The following PXDNL variants were observed in gnomAD, a reference collection of about 807,000 sequenced individuals.
PXDNL encodes the protein peroxidasin like.
Under a neutral mutation model 150.8 loss-of-function variants are expected in PXDNL, and 145 were observed. That is an observed-to-expected ratio of 0.96 (90% CI 0.84 to 1.10). PXDNL has a LOEUF of 1.10. Among genes scored for constraint, PXDNL ranks in the 50% least tolerant of loss-of-function variants. PXDNL has a pLI of 0.00. For missense variants in PXDNL, 2,087 were observed against 1,873.9 expected, an observed-to-expected ratio of 1.11 and a Z score of -2.10; for synonymous variants, 757 against 725.7, an observed-to-expected ratio of 1.04 and a Z score of -0.69.
chr8:51,454,962 AGCCGGGCGCGGTGGCGGGCGCC>A (rs1809897616), intron 9 of PXDNL, among the ~76,000 whole-genome samples: 1 of 138,874 alleles, frequency 7.2e-6, no homozygotes, highest in African/African-American at 3.1e-5. Context: ...GGGAAAAATT[AGCCGGGCGCGGTGGCGGGCGCC>A]TGTAGTCCCA....
intron 2 of PXDNL, among the ~76,000 whole-genome samples, chr8:51,644,684 C>G (rs573228476): frequency 1.3e-5 from 2 of 151,578 alleles, no homozygotes; most frequent in African/African-American, 4.8e-5. Context: ...GTCTCGATCT[C>G]CTGACCTCAT....
chr8:51,342,798 A>G (rs951663266), intron 20 of PXDNL, among the ~76,000 whole-genome samples: 5 of 151,764 alleles, frequency 3.3e-5, no homozygotes, highest in Admixed American at 3.3e-4. Flanking sequence ...TCAGGTAAGA[A>G]TACTGCAGCT....
intron 5 of PXDNL, among the ~76,000 whole-genome samples, chr8:51,489,888 G>T (rs11785786): frequency 6.6e-6 from 1 of 151,970 alleles, no homozygotes; most frequent in Admixed American, 6.6e-5. Context: ...GAACAAAGAA[G>T]TAACACAAGA....
intron 1 of PXDNL, among the ~76,000 whole-genome samples, chr8:51,711,076 T>C (rs1369748452): frequency 6.6e-6 from 1 of 152,112 alleles, no homozygotes; most frequent in Non-Finnish European, 1.5e-5. Flanking sequence ...GAAGTTAAAT[T>C]GTCACAGTTT....
chr8:51,800,491 G>T (rs2037606871), intron 1 of PXDNL, among the ~76,000 whole-genome samples: 1 of 152,152 alleles, frequency 6.6e-6, no homozygotes, highest in African/African-American at 2.4e-5. Flanking sequence ...AGCTGCTTCT[G>T]CAGAACAAGC....
intron 3 of PXDNL, among the ~76,000 whole-genome samples, chr8:51,559,334 C>G (rs1295497997): frequency 4.8e-4 from 31 of 65,248 alleles, no homozygotes; most frequent in African/African-American, 2.7e-3. Context: ...TTCCAAACCC[C>G]CCCCCCCCCC....
At chr8:51,714,283 T>C (rs193128875) in intron 1 of PXDNL, among the ~76,000 whole-genome samples, 68 of 152,344 alleles carry the variant, frequency 4.5e-4, no homozygotes, top group African/African-American at 1.4e-3. Context: ...ATTGGCTAGA[T>C]TGCACTTTAA....
chr8:51,426,948 C>A (rs535904228), intron 12 of PXDNL, among the ~76,000 whole-genome samples, 190 bp from the exon 13 acceptor site: 5 of 152,204 alleles, frequency 3.3e-5, no homozygotes, highest in Non-Finnish European at 2.9e-5. Context: ...CAGCAGAGGC[C>A]GGAGCAGGTA....
chr8:51,608,063 AAGC>A (rs1813896793), intron 2 of PXDNL, among the ~76,000 whole-genome samples: 1 of 117,972 alleles, frequency 8.5e-6, no homozygotes, highest in Non-Finnish European at 1.8e-5. Flanking sequence ...GAAAGCAAGC[AAGC>A]AAGCAAGCAA....
At chr8:51,748,772 C>T (rs1305841568) in intron 1 of PXDNL, among the ~76,000 whole-genome samples, 3 of 152,168 alleles carry the variant, frequency 2.0e-5, no homozygotes, top group Non-Finnish European at 2.9e-5. Flanking sequence ...GTGGGTCTTT[C>T]CCCCTGGTTC....
intron 10 of PXDNL, 68 bp from the exon 11 acceptor site, chr8:51,449,186 A>G: frequency 1.2e-6 from 1 of 802,826 alleles, no homozygotes; most frequent in Non-Finnish European, 2.0e-6. Context: ...AATAGAAAAA[A>G]GAAAATGTCT....
In PXDNL at chr8:51,328,531, T is replaced by C. The variant is rs997253064; in HGVS notation, c.4147-7634A>G. Among the ~76,000 whole-genome samples, 6 of 152,300 alleles carry C rather than the reference T, an allele frequency of 3.9e-5. No homozygotes were observed. In the East Asian group the frequency reaches 1.2e-3, roughly 29 times the overall value. ...TATTGTTTAACCAGATAGCTGGGCA[T>C]CCCACGATCCAGAAATTGACACATA... On this transcript the variant is annotated intron_variant, in intron 21 of 22. Coordinates refer to ENST00000356297, the MANE Select transcript of PXDNL (RefSeq NM_144651.5).
intron 6 of PXDNL, among the ~76,000 whole-genome samples, chr8:51,481,589 A>G (rs569857203): frequency 6.6e-6 from 1 of 152,302 alleles, no homozygotes; most frequent in South Asian, 2.1e-4. Flanking sequence ...AGCTCCTCCC[A>G]TCACTGGCCT....
chr8:51,499,496 G>A (rs969191209), intron 5 of PXDNL, among the ~76,000 whole-genome samples: 3 of 152,178 alleles, frequency 2.0e-5, no homozygotes, highest in African/African-American at 7.2e-5. Flanking sequence ...CTTTTGCCCT[G>A]TTTTTCATTG....
At chr8:51,734,160 C>T (rs900513988) in intron 1 of PXDNL, among the ~76,000 whole-genome samples, 15 of 151,956 alleles carry the variant, frequency 9.9e-5, no homozygotes, top group Admixed American at 7.2e-4. Context: ...CACCTTTTTA[C>T]GTTTCTTATT....
At chr8:51,669,032 T>G (rs1224752896) in intron 1 of PXDNL, among the ~76,000 whole-genome samples, 3 of 152,202 alleles carry the variant, frequency 2.0e-5, no homozygotes, top group Non-Finnish European at 4.4e-5. Flanking sequence ...GCTTGCATAC[T>G]GAAGTCACTC....
At chr8:51,394,765 C>A (rs998925030) in intron 17 of PXDNL, among the ~76,000 whole-genome samples, 2 of 152,132 alleles carry the variant, frequency 1.3e-5, no homozygotes, top group African/African-American at 4.8e-5. Flanking sequence ...ATTCATAGTG[C>A]CCTCTTTTAT....
intron 17 of PXDNL, among the ~76,000 whole-genome samples, chr8:51,384,671 C>T (rs75564164): frequency 0.012 from 1,837 of 152,132 alleles, 24 homozygotes; most frequent in Non-Finnish European, 0.018. Context: ...ACTCAAGCGA[C>T]TTTTGTTTTT....
At chr8:51,403,874 C>T (rs952530594) in intron 17 of PXDNL, among the ~76,000 whole-genome samples, 1 of 152,172 alleles carries the variant, frequency 6.6e-6, no homozygotes, top group South Asian at 2.1e-4. Flanking sequence ...CGGACCCTCA[C>T]GGTGAGTGTT....
Sources: allele counts gnomAD v4.1 joint callset (sites outside exome capture counted in the v4.1 genomes callset), GRCh38; gene constraint gnomAD v4.1.1; transcripts MANE v1.5; gene names NCBI Gene and HGNC (gene_info 2026-07-23, HGNC 2026-07-21).